FGGY: variants seen among roughly 807,000 people sequenced by gnomAD.
FGGY encodes FGGY carbohydrate kinase domain-containing protein.
Under a neutral mutation model 71.3 loss-of-function variants are expected in FGGY, and 72 were observed. The ratio of observed to expected loss-of-function variants is 1.01; its 90% CI spans 0.84 to 1.23. FGGY has a LOEUF of 1.23. FGGY is among the 50% of genes most tolerant of loss of function. The probability of loss-of-function intolerance (pLI) is 0.00; values close to 1 mark genes in which losing one functional copy is unlikely to be tolerated. For missense variants in FGGY, 668 were observed against 682.3 expected (o/e 0.98, Z 0.23); for synonymous variants, 251 against 250.3 (o/e 1.00, Z -0.02).
intron 6 of FGGY, among the ~76,000 whole-genome samples, chr1:59,504,941 T>C (rs2094338829): frequency 6.6e-6 from 1 of 151,324 alleles, no homozygotes; most frequent in African/African-American, 2.5e-5. Context: ...ACTGCTGACG[T>C]TGTGCTGAGG....
intron 9 of FGGY, among the ~76,000 whole-genome samples, chr1:59,610,894 C>T (rs986578507): frequency 5.3e-5 from 8 of 152,252 alleles, no homozygotes; most frequent in Admixed American, 5.2e-4. Flanking sequence ...GGGTCCCACG[C>T]CCACAGAGCC....
chr1:59,716,200 T>C (rs1297942633), intron 14 of FGGY, among the ~76,000 whole-genome samples: 2 of 152,234 alleles, frequency 1.3e-5, no homozygotes, highest in Middle Eastern at 3.2e-3. Flanking sequence ...GTATCTTATA[T>C]ATAATATATA....
In FGGY at chr1:59,583,755, G is replaced by A. The variant is rs564019251; in HGVS notation, c.904-24048G>A. Among the ~76,000 whole-genome samples the A allele has an allele frequency of 8.4e-4, 120 of 142,146 alleles. 22 individuals carry two copies. The highest frequency in any genetic ancestry group is 3.2e-3 in the African/African-American group (116 of 36,132). The allele number at this position is 142,146 out of a possible 152,430, so 93.3% of individuals were successfully genotyped here. ...ACAGTCACCCTCACCAAGATACCCC[G>A]AGCCAGGAGAGCCAGTGGAGCACAT... On this transcript the variant is annotated intron_variant, in intron 8 of 15. Coordinates refer to ENST00000303721, the MANE Select transcript of FGGY (RefSeq NM_018291.5).
intron 7 of FGGY, among the ~76,000 whole-genome samples, chr1:59,542,336 A>G (rs1216875864): frequency 6.6e-6 from 1 of 151,440 alleles, no homozygotes; most frequent in African/African-American, 2.4e-5. Context: ...TGCTCTGTAA[A>G]TGTTTACTGA....
chr1:59,320,755 C>T (rs1320061760), intron 1 of FGGY, among the ~76,000 whole-genome samples: 1 of 152,226 alleles, frequency 6.6e-6, no homozygotes, highest in Non-Finnish European at 1.5e-5. Context: ...CAAACCTATA[C>T]AGAAAGCTTT....
intron 8 of FGGY, among the ~76,000 whole-genome samples, chr1:59,574,670 G>A (rs1316520812): frequency 6.6e-6 from 1 of 152,076 alleles, no homozygotes; most frequent in Admixed American, 6.5e-5. Context: ...AAAGATAAAA[G>A]AAATCAAATT....
chr1:59,463,395 C>T (rs1197008149), intron 6 of FGGY, among the ~76,000 whole-genome samples: 1 of 152,160 alleles, frequency 6.6e-6, no homozygotes, highest in Non-Finnish European at 1.5e-5. Context: ...CAGTACCAGC[C>T]ACTGCAAAAA....
chr1:59,349,930 C>T (rs1223962965), intron 4 of FGGY, among the ~76,000 whole-genome samples: 1 of 151,414 alleles, frequency 6.6e-6, no homozygotes, highest in Non-Finnish European at 1.5e-5. Context: ...ACGGGTGATG[C>T]TAATATTAGT....
chr1:59,627,645 A>G (rs2096872255), intron 10 of FGGY, among the ~76,000 whole-genome samples: 1 of 151,920 alleles, frequency 6.6e-6, no homozygotes, highest in Non-Finnish European at 1.5e-5. Flanking sequence ...CCTAGCTCAC[A>G]GGTACTGTAT....
At position 59,758,039 on chromosome 1, in the gene FGGY, T is replaced by C. The variant is rs777948602; in HGVS notation, c.1574+47T>C. 19 of 1,258,536 alleles carry C rather than the reference T, an allele frequency of 1.5e-5. No homozygotes were observed. In the East Asian group the frequency reaches 4.2e-4, roughly 28 times the overall value. The allele number at this position is 1,258,536 out of a possible 1,614,324, so 78.0% of individuals were successfully genotyped here. ...GTACAGTGCTAAGGAAGTGAGCACATACACACACACATGCAACTATAGATC... is the reference window on the plus strand; with the variant it reads ...GTACAGTGCTAAGGAAGTGAGCACACACACACACACATGCAACTATAGATC... On this transcript the variant is annotated intron_variant, in intron 15 of 15. Coordinates refer to ENST00000303721, the MANE Select transcript of FGGY (RefSeq NM_018291.5).
chr1:59,296,563 A>G (rs897927631), upstream of FGGY: 9 of 152,384 alleles, frequency 5.9e-5, no homozygotes, highest in Non-Finnish European at 1.3e-4. Flanking sequence ...GCGGTTGGCT[A>G]GGCCCCAGGG....
At chr1:59,674,607 T>C (rs145867645) in intron 14 of FGGY, among the ~76,000 whole-genome samples, 1 of 152,282 alleles carries the variant, frequency 6.6e-6, no homozygotes, top group Admixed American at 6.5e-5. Context: ...AACAAAGATA[T>C]AGGAAGAAGG....
At chr1:59,528,137 T>C (rs1407782948) in intron 7 of FGGY, among the ~76,000 whole-genome samples, 1 of 152,180 alleles carries the variant, frequency 6.6e-6, no homozygotes, top group African/African-American at 2.4e-5. Context: ...CTCAACGTTG[T>C]TTACCATCAA....
intron 14 of FGGY, among the ~76,000 whole-genome samples, chr1:59,701,134 G>A (rs2097706104): frequency 6.6e-6 from 1 of 152,190 alleles, no homozygotes; most frequent in Admixed American, 6.5e-5. Flanking sequence ...GGGATAGGGG[G>A]ACACGTGCAA....
chr1:59,607,543 T>C (rs1041647174), intron 8 of FGGY, among the ~76,000 whole-genome samples: 1 of 152,182 alleles, frequency 6.6e-6, no homozygotes. Flanking sequence ...ATCTCTGCCA[T>C]AGTGAGGGAG....
chr1:59,539,614 A>C (rs1298640104), intron 7 of FGGY, among the ~76,000 whole-genome samples: 3 of 152,226 alleles, frequency 2.0e-5, no homozygotes, highest in Admixed American at 1.3e-4. Context: ...CATTCCAAAC[A>C]GATTAAAAAC....
At chr1:59,442,853 G>A (rs1426093007) in intron 5 of FGGY, among the ~76,000 whole-genome samples, 3 of 152,152 alleles carry the variant, frequency 2.0e-5, no homozygotes, top group Admixed American at 1.3e-4. Flanking sequence ...TTTGCACAAT[G>A]GGAAAAGAGT....
intron 6 of FGGY, among the ~76,000 whole-genome samples, chr1:59,482,634 G>GTATATATATATATA (rs3990413): frequency 6.8e-6 from 1 of 147,462 alleles, no homozygotes; most frequent in African/African-American, 2.5e-5. Flanking sequence ...GTGTCTGTGT[G>GTATATATATATATA]TATATATATA....
chr1:59,561,300 G>A (rs140042648), intron 8 of FGGY, among the ~76,000 whole-genome samples: 14 of 152,224 alleles, frequency 9.2e-5, no homozygotes, highest in South Asian at 2.1e-4. Context: ...ACCTGTTGTC[G>A]TCAGCCCTCT....
Sources: allele counts gnomAD v4.1 joint callset (sites outside exome capture counted in the v4.1 genomes callset), GRCh38; gene constraint gnomAD v4.1.1; transcripts MANE v1.5; gene names NCBI Gene and HGNC (gene_info 2026-07-23, HGNC 2026-07-21).